VSIG1: variants seen among roughly 807,000 people sequenced by gnomAD.
VSIG1 encodes the protein V-set and immunoglobulin domain-containing protein 1.
A neutral mutation model predicts 20.1 loss-of-function variants in VSIG1; 11 were observed. That is an observed-to-expected ratio of 0.55 (90% CI 0.34 to 0.91). VSIG1 has a LOEUF of 0.91. Ranked by LOEUF, VSIG1 falls within the 40% of genes least tolerant of loss-of-function variation. The probability of loss-of-function intolerance (pLI) is 0.02; values close to 1 mark genes in which losing one functional copy is unlikely to be tolerated. For synonymous variants in VSIG1, 126 were observed against 116.7 expected (o/e 1.08, Z -0.52); for missense variants, 283 against 298.8 (o/e 0.95, Z 0.39).
chrX:108,020,849 G>A, the VSIG1 span, among the ~76,000 whole-genome samples: 8 of 111,447 alleles, frequency 7.2e-5, no homozygotes, highest in Non-Finnish European at 1.5e-4. Context: ...ACTGGTCAGG[G>A]GTTCATGCCT....
chrX:108,028,714 T>C, the VSIG1 span, among the ~76,000 whole-genome samples: 1 of 111,525 alleles, frequency 9.0e-6, no homozygotes, highest in African/African-American at 3.3e-5. Context: ...AAAAGGTCCA[T>C]CTGTATAGGT....
At chrX:108,040,900 A>T (rs1239854858), upstream of VSIG1, among the ~76,000 whole-genome samples, 1 of 111,021 alleles carries the variant, frequency 9.0e-6, no homozygotes, top group Non-Finnish European at 1.9e-5. Flanking sequence ...GTACATGCAC[A>T]GAAAAAGGTC....
At chrX:108,020,683 TTATC>T in the VSIG1 span, among the ~76,000 whole-genome samples, 2 of 112,125 alleles carry the variant, frequency 1.8e-5, no homozygotes, top group African/African-American at 6.5e-5. Context: ...AATTTACCTG[TTATC>T]TTTTTTCCCA....
upstream of VSIG1, chrX:108,045,006 G>A (rs986096262): frequency 2.2e-6 from 1 of 460,349 alleles, no homozygotes; most frequent in African/African-American, 2.5e-5. Context: ...AAAGAGGCAT[G>A]TTTGCTTGGC....
Position 108,061,564 on chromosome X carries a change from A to G in VSIG1, c.213+3363A>G, listed in dbSNP as rs776567589. Reference sequence around the variant, plus strand: ...AGAACACTTATTGGTGTACTACTGGACTTCTTCATTGTTTGGAGACTCCAG... The same window carrying G: ...AGAACACTTATTGGTGTACTACTGGGCTTCTTCATTGTTTGGAGACTCCAG... On this transcript the variant is annotated intron_variant, in intron 2 of 6. Coordinates refer to ENST00000217957, the MANE Select transcript of VSIG1 (RefSeq NM_182607.5). The G allele has an allele frequency of 9.9e-6, 11 of 1,111,673 alleles. No homozygotes were observed. The South Asian group carries it at 2.1e-4, about 22-fold the overall frequency. The allele number at this position is 1,111,673 out of a possible 1,213,427, so 91.6% of individuals were successfully genotyped here.
intron 2 of VSIG1, among the ~76,000 whole-genome samples, chrX:108,060,964 A>T (rs1426246719): frequency 8.9e-6 from 1 of 112,075 alleles, no homozygotes; most frequent in Non-Finnish European, 1.9e-5. Flanking sequence ...AAGAAGATAC[A>T]CTTGAACAGG....
At chrX:108,061,369 G>A (rs886955234) in intron 2 of VSIG1, 2 of 901,174 alleles carry the variant, frequency 2.2e-6, no homozygotes, top group African/African-American at 4.0e-5. Context: ...CTGGGTTGAT[G>A]TGGCAGTATA....
Position 108,065,443 on chromosome X carries a change from C to T in VSIG1, c.214-1493C>T, listed in dbSNP as rs183383539. Reference sequence around the variant, plus strand: ...TAGATTTTATGAAAAATTAGTCTCACCAGACTAAGACAATACAGTTTATTG... The same window carrying T: ...TAGATTTTATGAAAAATTAGTCTCATCAGACTAAGACAATACAGTTTATTG... On this transcript the variant is annotated intron_variant, in intron 2 of 6. Transcript: ENST00000217957. 2.5e-3 allele frequency among the ~76,000 whole-genome samples: 279 copies of T among 111,706 alleles called. 1 individual carries two copies. The highest frequency in any genetic ancestry group is 4.6e-3 in the Non-Finnish European group (245 of 53,084).
At chrX:108,062,852 A>T (rs773676527) in intron 2 of VSIG1, among the ~76,000 whole-genome samples, 6 of 112,265 alleles carry the variant, frequency 5.3e-5, no homozygotes, top group Non-Finnish European at 9.4e-5. Flanking sequence ...TTTGCTGTGG[A>T]TGTCCATGTC....
chrX:108,077,291 G>GGAGCCAGAGCCA lies in VSIG1; in HGVS notation c.1090_1101dup (p.Pro364_Glu367dup). The GGAGCCAGAGCCA allele has an allele frequency of 1.7e-6, 2 of 1,212,013 alleles. No homozygotes were observed. Among genetic ancestry groups the GGAGCCAGAGCCA allele is most frequent in the Middle Eastern group, 2.3e-4 (1 of 4,353 alleles). On this transcript the variant is annotated inframe_insertion, in exon 7 of 7. Coordinates refer to ENST00000217957, the MANE Select transcript of VSIG1 (RefSeq NM_182607.5). ...TGGAGCCAGAAACGCAGTCGGAATT[G>GGAGCCAGAGCCA]GAGCCAGAGCCAGAGCCAGAGCCAG...
chrX:108,048,196 T>G (rs1477444741), intron 1 of VSIG1, among the ~76,000 whole-genome samples: 2 of 105,971 alleles, frequency 1.9e-5, no homozygotes, highest in Non-Finnish European at 3.9e-5. Flanking sequence ...AGAGACAGGG[T>G]TTCTCCATGT....
In VSIG1 at chrX:108,076,204, C is replaced by T; in HGVS notation, c.816C>T (p.Thr272=). ...KAKAKERNSK[T]IAELEPMTKI... Reference sequence around the variant, plus strand: ...AGGCAAAAGAAAGAAATTCTAAGACCATCGCGGAACTTGAGTAAGCCTTCA... The same window carrying T: ...AGGCAAAAGAAAGAAATTCTAAGACTATCGCGGAACTTGAGTAAGCCTTCA... Residue 272 remains threonine (T), a synonymous_variant, in exon 6 of 7, where the codon ACC becomes ACT. Transcript: ENST00000217957. 8.3e-7 allele frequency: 1 copy of T among 1,208,332 alleles called. No individual in the cohort carries two copies. The highest frequency in any genetic ancestry group is 1.1e-6 in the Non-Finnish European group (1 of 893,670).
the VSIG1 span, among the ~76,000 whole-genome samples, chrX:108,035,880 G>A: frequency 1.9e-5 from 2 of 107,673 alleles, no homozygotes; most frequent in African/African-American, 3.4e-5. Flanking sequence ...CTTTGGAGCC[G>A]TCCCACCTGG....
At chrX:108,067,424 A>G (rs2031155175) in intron 3 of VSIG1, among the ~76,000 whole-genome samples, 1 of 111,689 alleles carries the variant, frequency 9.0e-6, no homozygotes, top group Non-Finnish European at 1.9e-5. Flanking sequence ...AGAACAGATG[A>G]GACAATCCAC....
At chrX:108,071,378 ATATC>A (rs2031237879) in intron 3 of VSIG1, among the ~76,000 whole-genome samples, 1 of 111,473 alleles carries the variant, frequency 9.0e-6, no homozygotes, top group African/African-American at 3.3e-5. Flanking sequence ...TATAAAATAA[ATATC>A]TAAGATAAGA....
chrX:108,068,902 T>G (rs1053504779), intron 3 of VSIG1, among the ~76,000 whole-genome samples: 2 of 112,152 alleles, frequency 1.8e-5, no homozygotes, highest in African/African-American at 6.5e-5. Flanking sequence ...CTGACCATTG[T>G]GAGATGGGGT....
chrX:108,055,141 C>T (rs569320967), intron 1 of VSIG1, among the ~76,000 whole-genome samples: 6 of 110,588 alleles, frequency 5.4e-5, no homozygotes, highest in African/African-American at 1.3e-4. Context: ...ATAGATCCTG[C>T]AGTCATTAAA....
At chrX:108,051,482 A>T (rs1381526985) in intron 1 of VSIG1, among the ~76,000 whole-genome samples, 7 of 112,483 alleles carry the variant, frequency 6.2e-5, no homozygotes, top group African/African-American at 2.3e-4. Context: ...ACAGACCACA[A>T]AAGTAAGCCA....
chrX:108,061,506 G>T, intron 2 of VSIG1: 1 of 1,166,505 alleles, frequency 8.6e-7, no homozygotes, highest in African/African-American at 1.8e-5. Flanking sequence ...CGCAAGAGAC[G>T]CTCGGGGAAG....
Sources: gnomAD v4.1 joint callset for allele counts (sites outside exome capture counted in the v4.1 genomes callset) on GRCh38, gnomAD v4.1.1 for gene constraint, MANE v1.5 for transcripts, NCBI Gene and HGNC (gene_info 2026-07-23, HGNC 2026-07-21) for gene names.